RFX7: variants seen among roughly 807,000 people sequenced by gnomAD.
The protein encoded by RFX7 is DNA-binding protein RFX7.
RFX7 carries 26 observed loss-of-function variants against 111.8 expected under a neutral mutation model. The ratio of observed to expected loss-of-function variants is 0.23; its 90% confidence interval spans 0.17 to 0.32. The LOEUF is 0.32. Ranked by LOEUF, RFX7 falls within the 10% of genes least tolerant of loss-of-function variation. RFX7 has a pLI of 1.00. For missense variants in RFX7, 1,573 were observed against 1,772.9 expected (o/e 0.89, Z 2.02); for synonymous variants, 624 against 624.4 (o/e 1.00, Z 0.01).
At chr15:56,235,587 A>G (rs1043943470) in intron 2 of RFX7, among the ~76,000 whole-genome samples, 2 of 152,198 alleles carry the variant, frequency 1.3e-5, no homozygotes, top group African/African-American at 4.8e-5. Flanking sequence ...CAATAGCCCT[A>G]GTGACTCTCC....
chr15:56,142,357 T>C (rs1247776544), intron 5 of RFX7, among the ~76,000 whole-genome samples: 2 of 152,192 alleles, frequency 1.3e-5, no homozygotes, highest in Non-Finnish European at 2.9e-5. Context: ...AGAAGACTTT[T>C]AGATTCATGA....
intron 5 of RFX7, among the ~76,000 whole-genome samples, chr15:56,108,833 A>C (rs2041866367): frequency 6.6e-6 from 1 of 152,230 alleles, no homozygotes. Flanking sequence ...TAAACTGATA[A>C]GCAACTTCAG....
intron 2 of RFX7, among the ~76,000 whole-genome samples, chr15:56,195,377 T>C (rs2043138090): frequency 6.6e-6 from 1 of 152,156 alleles, no homozygotes; most frequent in South Asian, 2.1e-4. Flanking sequence ...TCATACACTT[T>C]ATGTGGTTAA....
chr15:56,122,310 G>A (rs1052533752), intron 5 of RFX7, among the ~76,000 whole-genome samples: 2 of 152,086 alleles, frequency 1.3e-5, no homozygotes, highest in African/African-American at 4.8e-5. Context: ...GTTGGATAAG[G>A]TCTGGAAGAA....
At position 56,095,233 on chromosome 15, in the gene RFX7, C is replaced by T; in HGVS notation, c.2495G>A (p.Ser832Asn). The T allele has an allele frequency of 6.2e-7, 1 of 1,613,790 alleles. No individual in the cohort carries two copies. Among genetic ancestry groups the T allele is most frequent in the South Asian group, 1.1e-5 (1 of 91,076 alleles). ...ELEGMPQDTY[S>N]QQLHSQIQES... ...CTGTATCTGGCTATGTAGCTGCTGG[C>T]TATATGTGTCCTGTGGCATTCCTTC... Residue 832 changes from serine to asparagine, a missense_variant, in exon 10 of 10, where the codon AGC becomes AAC. Transcript: ENST00000559447.
At chr15:56,192,190 C>T (rs756597066) in intron 2 of RFX7, among the ~76,000 whole-genome samples, 12 of 151,926 alleles carry the variant, frequency 7.9e-5, no homozygotes, top group African/African-American at 2.9e-4. Flanking sequence ...CTGTATCTAG[C>T]GTAATAATAA....
chr15:56,123,382 G>C (rs1360956247), intron 5 of RFX7, among the ~76,000 whole-genome samples: 1 of 152,168 alleles, frequency 6.6e-6, no homozygotes, highest in Non-Finnish European at 1.5e-5. Flanking sequence ...GCCTGAAATG[G>C]AGGTCTCAAG....
rs576973594 is a variant in RFX7 at position 56,108,457 on chromosome 15, TTCTC to T, written c.402-4791_402-4788del. Among the ~76,000 whole-genome samples, 164 of 152,312 alleles carry T rather than the reference TTCTC, an allele frequency of 1.1e-3. 1 individual carries two copies. The highest frequency in any genetic ancestry group is 3.8e-3 in the African/African-American group (156 of 41,558). On this transcript the variant is annotated intron_variant, in intron 5 of 9. Transcript: ENST00000559447. ...AGAACCAATGACAAAAACCACATGA[TTCTC>T]TCAATAAATGCAGAAAAGGCCTTCG...
At position 56,088,064 on chromosome 15, in the gene RFX7, C is replaced by A; in HGVS notation, c.*5281G>T. The A allele has an allele frequency of 3.4e-5, 7 of 204,490 alleles. No homozygotes were observed. The highest frequency in any genetic ancestry group is 1.6e-4 in the East Asian group (1 of 6,354). The allele number at this position is 204,490 out of a possible 1,614,324, so 12.7% of individuals were successfully genotyped here. ...TACAAACTACAGGTAAATCTAAAAGCAATAAAAATGAAAAAGAATTGTTGA... is the reference window on the plus strand; with the variant it reads ...TACAAACTACAGGTAAATCTAAAAGAAATAAAAATGAAAAAGAATTGTTGA... On this transcript the variant is annotated 3_prime_UTR_variant, in exon 10 of 10. Transcript: ENST00000559447.
chr15:56,165,851 A>C (rs756779701), intron 3 of RFX7, among the ~76,000 whole-genome samples: 7 of 152,228 alleles, frequency 4.6e-5, no homozygotes, highest in Non-Finnish European at 8.8e-5. Flanking sequence ...ATACAGACTT[A>C]AATGAACTTA....
At chr15:56,121,652 A>C (rs939231731) in intron 5 of RFX7, among the ~76,000 whole-genome samples, 1 of 152,096 alleles carries the variant, frequency 6.6e-6, no homozygotes, top group African/African-American at 2.4e-5. Context: ...TTTAAGGCCA[A>C]TAGCTCTTAG....
chr15:56,185,788 A>T (rs2043032294), intron 2 of RFX7, among the ~76,000 whole-genome samples: 2 of 152,010 alleles, frequency 1.3e-5, no homozygotes, highest in Admixed American at 1.3e-4. Flanking sequence ...TGTGTAATTT[A>T]TGCTTTTTAA....
At chr15:56,199,881 C>T (rs1257501473) in intron 2 of RFX7, among the ~76,000 whole-genome samples, 1 of 152,120 alleles carries the variant, frequency 6.6e-6, no homozygotes, top group Non-Finnish European at 1.5e-5. Flanking sequence ...TACATTAAAA[C>T]TAAATCTAGT....
At chr15:56,173,797 A>C (rs1326834927) in intron 3 of RFX7, among the ~76,000 whole-genome samples, 1 of 152,128 alleles carries the variant, frequency 6.6e-6, no homozygotes, top group African/African-American at 2.4e-5. Context: ...CCATCTCAAA[A>C]AAAAGGGACC....
chr15:56,155,615 C>G (rs10851603), intron 3 of RFX7, among the ~76,000 whole-genome samples: 29,988 of 151,664 alleles, frequency 0.2, 3,379 homozygotes, highest in East Asian at 0.44. Flanking sequence ...GGCCCGTCGG[C>G]GGGTGTGGGG....
At chr15:56,115,281 G>C (rs1442203755) in intron 5 of RFX7, among the ~76,000 whole-genome samples, 1 of 152,204 alleles carries the variant, frequency 6.6e-6, no homozygotes, top group Non-Finnish European at 1.5e-5. Context: ...CAAAGTGCTG[G>C]CATTACAGGG....
chr15:56,201,960 G>A (rs893143696), intron 2 of RFX7, among the ~76,000 whole-genome samples: 13 of 152,176 alleles, frequency 8.5e-5, no homozygotes, highest in African/African-American at 2.7e-4. Flanking sequence ...GAACCTGGGA[G>A]GCAGAGCTTG....
chr15:56,126,237 T>C lies in RFX7; in HGVS notation c.401+16541A>G, dbSNP rs189703998. Among the ~76,000 whole-genome samples, 50 of 152,262 alleles carry C rather than the reference T, an allele frequency of 3.3e-4. 1 individual carries two copies. The East Asian group carries it at 6.0e-3, about 18-fold the overall frequency. On this transcript the variant is annotated intron_variant, in intron 5 of 9. Coordinates refer to ENST00000559447, the MANE Select transcript of RFX7 (RefSeq NM_022841.7). ...GACTCCTCCATAAAACAATGGAAAA[T>C]CCCTGGAAATTAACCAAAGACCTGC...
At chr15:56,232,471 A>G (rs2043572239) in intron 2 of RFX7, among the ~76,000 whole-genome samples, 5 of 152,150 alleles carry the variant, frequency 3.3e-5, no homozygotes, top group African/African-American at 9.7e-5. Flanking sequence ...AGGGGCTGCT[A>G]TGAAGACCTC....
Sources: gnomAD v4.1 joint callset for allele counts (sites outside exome capture counted in the v4.1 genomes callset) on GRCh38, gnomAD v4.1.1 for gene constraint, MANE v1.5 for transcripts, NCBI Gene and HGNC (gene_info 2026-07-23, HGNC 2026-07-21) for gene names.